PPME1: variants seen among roughly 807,000 people sequenced by gnomAD.
PPME1 encodes the protein testicular secretory protein Li 39.
In PPME1, 17 loss-of-function variants were observed where a neutral mutation model predicts 56.9. The ratio of observed to expected loss-of-function variants is 0.30; its 90% CI spans 0.20 to 0.45. The LOEUF (loss-of-function observed/expected upper bound fraction) is 0.45. Among genes scored for constraint, PPME1 ranks in the 20% least tolerant of loss-of-function variants. The pLI is 1.00. For synonymous variants in PPME1, 122 were observed against 156.2 expected (o/e 0.78, Z 1.63); for missense variants, 357 against 483.2 (o/e 0.74, Z 2.45).
chr11:74,201,569 C>T (rs375648900), intron 1 of PPME1, among the ~76,000 whole-genome samples: 2 of 152,290 alleles, frequency 1.3e-5, no homozygotes, highest in African/African-American at 4.8e-5. Context: ...TGGAGAGTGG[C>T]AGAACTGGAT....
At position 74,230,677 on chromosome 11, in the gene PPME1, C is replaced by T. The variant is rs144896498; in HGVS notation, c.554-235C>T. On this transcript the variant is annotated intron_variant, in intron 6 of 13. Transcript: ENST00000328257. The surrounding 1 kb of genome is among the most constrained non-coding windows in gnomAD (Gnocchi z 4.9). ...AGAAGCTGCCATGTCTTTTCTGACC[C>T]AGCTTCAGAAGTCACACTGCTGCTT... 82 of 595,750 alleles carry T rather than the reference C, an allele frequency of 1.4e-4. No homozygotes were observed. The African/African-American group carries it at 1.4e-3, about 10-fold the overall frequency. 36.9% of individuals were successfully genotyped at this position (595,750 alleles called of 1,614,324 possible).
At position 74,230,267 on chromosome 11, in the gene PPME1, G is replaced by A. The variant is rs1490717854; in HGVS notation, c.421G>A (p.Ala141Thr). Residue 141 changes from alanine (A) to threonine (T), a missense_variant, in exon 6 of 14, where the codon GCC (alanine) becomes ACC (threonine). Ala to Thr is a moderately conservative substitution (Grantham distance 58). Transcript: ENST00000328257. The surrounding 1 kb of genome is among the most constrained non-coding windows in gnomAD (Gnocchi z 4.9). ...CAGAGACGTTGGCAATGTGGTTGAA[G>A]CCATGTATGGGGACCTTCCTCCTCC... is the stretch of plus-strand genomic sequence containing the variant. ...MAKDVGNVVE[A>T]MYGDLPPPIM... The A allele has an allele frequency of 2.5e-6, 4 of 1,611,438 alleles. No homozygotes were observed. The highest frequency in any genetic ancestry group is 3.4e-6 in the Non-Finnish European group (4 of 1,179,034).
chr11:74,185,233 CG>C (rs1857647764), intron 1 of PPME1, among the ~76,000 whole-genome samples: 1 of 151,810 alleles, frequency 6.6e-6, no homozygotes, highest in African/African-American at 2.4e-5. Context: ...CTCCTGACCT[CG>C]TGATCCACCC....
intron 1 of PPME1, among the ~76,000 whole-genome samples, chr11:74,176,907 T>A (rs1019263063): frequency 6.6e-6 from 1 of 151,826 alleles, no homozygotes; most frequent in Admixed American, 6.6e-5. Context: ...ATTTTTGTAT[T>A]TTTAGTAGAG....
At chr11:74,252,334 C>T (rs943360352) in intron 13 of PPME1, 12 of 414,312 alleles carry the variant, frequency 2.9e-5, no homozygotes, top group African/African-American at 1.4e-4. Flanking sequence ...GTGATCCACC[C>T]GCATCGGCCT....
chr11:74,208,125 A>G (rs530229676), intron 3 of PPME1, among the ~76,000 whole-genome samples: 2 of 152,158 alleles, frequency 1.3e-5, no homozygotes, highest in South Asian at 2.1e-4. Context: ...AATCCTGGCC[A>G]ACATGGTGAA....
intron 9 of PPME1, among the ~76,000 whole-genome samples, chr11:74,242,629 T>C (rs1859390589): frequency 6.6e-6 from 1 of 151,920 alleles, no homozygotes; most frequent in African/African-American, 2.4e-5. Flanking sequence ...GTCTGTAATC[T>C]CAGCGCTTTG....
At position 74,230,809 on chromosome 11, in the gene PPME1, A is replaced by C. The variant is rs931152093; in HGVS notation, c.554-103A>C. On this transcript the variant is annotated intron_variant, in intron 6 of 13. Transcript: ENST00000328257. The surrounding 1 kb of genome is among the most constrained non-coding windows in gnomAD (Gnocchi z 4.9). ...TCTTTATTTCTCTGCGAGCATCACT[A>C]AATTCTGCTGTCATCAAGAGCAGAT... 15 of 923,124 alleles carry C rather than the reference A, an allele frequency of 1.6e-5. No individual in the cohort carries two copies. The South Asian group carries it at 2.0e-4, about 12-fold the overall frequency. The allele number at this position is 923,124 out of a possible 1,614,324, so 57.2% of individuals were successfully genotyped here. A position where few individuals can be genotyped will look rare whatever the true frequency, so the allele number is the denominator to read the frequency against.
Position 74,171,388 on chromosome 11 carries a change from T to G in PPME1, c.-34T>G. On this transcript the variant is annotated 5_prime_UTR_variant, in exon 1 of 14. Transcript: ENST00000328257. Reference sequence around the variant, plus strand: ...ACTCAACGTGGGACGAAGCTTCGCCTACTGTTTGACTACGTGCGTGCAGCC... The same window carrying G: ...ACTCAACGTGGGACGAAGCTTCGCCGACTGTTTGACTACGTGCGTGCAGCC... 1 of 1,590,714 alleles carries G rather than the reference T, an allele frequency of 6.3e-7. No individual in the cohort carries two copies. Among genetic ancestry groups the G allele is most frequent in the African/African-American group, 1.3e-5 (1 of 74,636 alleles).
At chr11:74,236,017 G>T in intron 8 of PPME1, 51 bp downstream of exon 8, 1 of 1,588,736 alleles carries the variant, frequency 6.3e-7, no homozygotes, top group East Asian at 2.3e-5. Flanking sequence ...AACATGGTGA[G>T]GGAATTACAG....
intron 13 of PPME1, 185 bp downstream of exon 13, chr11:74,251,900 G>T (rs1256602082): frequency 2.4e-6 from 2 of 830,272 alleles, no homozygotes; most frequent in Admixed American, 3.4e-5. Context: ...TTGTTTCTTT[G>T]TGCTGTGCTC....
At chr11:74,238,901 C>A in intron 8 of PPME1, 1 of 371,358 alleles carries the variant, frequency 2.7e-6, no homozygotes, top group East Asian at 4.3e-5. Context: ...GTGGTTGCTC[C>A]CTTTCTATGG....
intron 5 of PPME1, among the ~76,000 whole-genome samples, chr11:74,228,430 T>C (rs935173113): frequency 2.4e-4 from 37 of 152,174 alleles, no homozygotes; most frequent in Admixed American, 2.0e-3. Flanking sequence ...CACTACCCTA[T>C]GCCAAGGGGA....
intron 1 of PPME1, among the ~76,000 whole-genome samples, chr11:74,195,355 T>G (rs1857953139): frequency 6.6e-6 from 1 of 152,210 alleles, no homozygotes; most frequent in Non-Finnish European, 1.5e-5. Flanking sequence ...TTTGCCTGTT[T>G]TTGAACACTA....
At chr11:74,235,748 T>C (rs1859174620) in intron 7 of PPME1, 153 bp from the exon 8 acceptor site, 1 of 1,197,980 alleles carries the variant, frequency 8.3e-7, no homozygotes, top group South Asian at 1.6e-5. Flanking sequence ...TGTAGCCAGG[T>C]GAGTAATAGT....
intron 5 of PPME1, among the ~76,000 whole-genome samples, chr11:74,226,203 TAATA>T (rs964464179): frequency 6.6e-6 from 1 of 152,212 alleles, no homozygotes; most frequent in Non-Finnish European, 1.5e-5. Context: ...CATTTATTAA[TAATA>T]AATCATTAAC....
chr11:74,201,241 C>T (rs1028744738), intron 1 of PPME1, among the ~76,000 whole-genome samples: 5 of 152,214 alleles, frequency 3.3e-5, no homozygotes, highest in Admixed American at 2.0e-4. Flanking sequence ...TCCCAAAGTG[C>T]TGGGATTACA....
At chr11:74,243,783 C>CTTTTT (rs555052806) in intron 9 of PPME1, among the ~76,000 whole-genome samples, 2 of 139,974 alleles carry the variant, frequency 1.4e-5, no homozygotes, top group African/African-American at 2.6e-5. Flanking sequence ...TTCTTTCTTT[C>CTTTTT]TTTTTTTTTT....
intron 3 of PPME1, among the ~76,000 whole-genome samples, chr11:74,207,329 G>T (rs571926667): frequency 6.6e-6 from 1 of 152,194 alleles, no homozygotes; most frequent in South Asian, 2.1e-4. Flanking sequence ...TTGTGGTTTG[G>T]GAGGGAAAAT....
Sources: allele counts gnomAD v4.1 joint callset (sites outside exome capture counted in the v4.1 genomes callset), GRCh38; gene constraint gnomAD v4.1.1; non-coding constraint Gnocchi (gnomAD v3.1); transcripts MANE v1.5; gene names NCBI Gene and HGNC (gene_info 2026-07-23, HGNC 2026-07-21).